LIN52: variants seen among roughly 807,000 people sequenced by gnomAD.
LIN52 encodes the protein lin-52 DREAM MuvB core complex component.
LIN52 carries 4 observed loss-of-function variants against 18.5 expected under a neutral mutation model. The observed-to-expected ratio is 0.22, with a 90% CI of 0.11 to 0.49. LIN52 has a LOEUF of 0.49. Ranked by LOEUF, LIN52 falls within the 20% of genes least tolerant of loss-of-function variation. The pLI, the probability that LIN52 is intolerant of heterozygous loss-of-function variation, is 0.97. For synonymous variants in LIN52, 34 were observed against 45.5 expected, an observed-to-expected ratio of 0.75 and a Z score of 1.02; for missense variants, 102 against 139.5, an observed-to-expected ratio of 0.73 and a Z score of 1.35.
At chr14:74,137,918 C>T (rs895746242) in intron 5 of LIN52, among the ~76,000 whole-genome samples, 6 of 152,276 alleles carry the variant, frequency 3.9e-5, no homozygotes, top group Non-Finnish European at 8.8e-5. Flanking sequence ...TACAATAAGC[C>T]TGCTTTATCA....
chr14:74,191,689 A>G (rs2139595371), intron 5 of LIN52, among the ~76,000 whole-genome samples: 1 of 147,414 alleles, frequency 6.8e-6, no homozygotes, highest in South Asian at 2.1e-4. Flanking sequence ...GCCGGAGTGC[A>G]GTGGTGCAAT....
chr14:74,190,865 G>A (rs2078871606), intron 5 of LIN52, among the ~76,000 whole-genome samples: 1 of 152,208 alleles, frequency 6.6e-6, no homozygotes. Context: ...CCTGCTGAGG[G>A]CCACCAAGTG....
chr14:74,157,474 T>A (rs947798798), intron 5 of LIN52, among the ~76,000 whole-genome samples: 5 of 151,272 alleles, frequency 3.3e-5, no homozygotes, highest in African/African-American at 9.7e-5. Flanking sequence ...TTAATTAATT[T>A]ATTTATTTTA....
At chr14:74,158,991 C>T (rs8004420) in intron 5 of LIN52, among the ~76,000 whole-genome samples, 26,275 of 151,962 alleles carry the variant, frequency 0.17, 2,776 homozygotes, top group East Asian at 0.58. Context: ...TCTCTGCTTC[C>T]AACTGTATTG....
intron 5 of LIN52, among the ~76,000 whole-genome samples, chr14:74,148,359 C>T (rs2061162309): frequency 6.6e-6 from 1 of 151,906 alleles, no homozygotes; most frequent in African/African-American, 2.4e-5. Flanking sequence ...TGTGCTAGAC[C>T]CTGGGTGTCA....
chr14:74,195,490 G>A (rs2078906345), intron 5 of LIN52, among the ~76,000 whole-genome samples: 1 of 152,132 alleles, frequency 6.6e-6, no homozygotes, highest in Admixed American at 6.6e-5. Flanking sequence ...AGCTTAAAAA[G>A]CTAAGAGTAA....
At chr14:74,089,459 C>G (rs189450259) in intron 1 of LIN52, among the ~76,000 whole-genome samples, 2 of 151,446 alleles carry the variant, frequency 1.3e-5, no homozygotes, top group Non-Finnish European at 2.9e-5. Context: ...GCTGCCACCT[C>G]TGGGCTCAAG....
intron 5 of LIN52, chr14:74,192,657 C>T: frequency 4.0e-6 from 1 of 252,140 alleles, no homozygotes. Flanking sequence ...GATTAAGAGG[C>T]ATACACCACT....
intron 5 of LIN52, among the ~76,000 whole-genome samples, chr14:74,129,597 A>T (rs1245287267): frequency 2.6e-5 from 4 of 152,182 alleles, no homozygotes; most frequent in Non-Finnish European, 5.9e-5. Context: ...TCACACCTGT[A>T]ATCCCAACAC....
intron 5 of LIN52, among the ~76,000 whole-genome samples, chr14:74,193,101 G>A (rs577983196): frequency 1.1e-4 from 17 of 152,130 alleles, no homozygotes; most frequent in Admixed American, 5.2e-4. Flanking sequence ...TGATTCTGTG[G>A]CAATGCCCCC....
intron 5 of LIN52, among the ~76,000 whole-genome samples, chr14:74,161,695 C>CTG (rs1479386604): frequency 2.0e-5 from 3 of 152,200 alleles, no homozygotes; most frequent in Non-Finnish European, 4.4e-5. Flanking sequence ...CGGGAACACT[C>CTG]TGCCGGTGCA....
intron 5 of LIN52, among the ~76,000 whole-genome samples, chr14:74,119,116 A>G (rs1037071427): frequency 7.4e-5 from 11 of 149,318 alleles, no homozygotes; most frequent in Admixed American, 6.6e-5. Context: ...AAATACTGTT[A>G]GTATTTTTGA....
chr14:74,100,398 C>T (rs934880663), intron 4 of LIN52, among the ~76,000 whole-genome samples: 22 of 152,162 alleles, frequency 1.4e-4, no homozygotes, highest in African/African-American at 2.4e-4. Context: ...GCCTTGACCT[C>T]CTGGTGATCC....
At chr14:74,121,124 A>G (rs2060997436) in intron 5 of LIN52, among the ~76,000 whole-genome samples, 1 of 152,224 alleles carries the variant, frequency 6.6e-6, no homozygotes, top group African/African-American at 2.4e-5. Flanking sequence ...TAAACTATAC[A>G]CAGTAGATTT....
rs969563010 is a variant in LIN52 at position 74,091,120 on chromosome 14, C to G, written c.20-112C>G. On this transcript the variant is annotated intron_variant, in intron 1 of 5. Transcript: ENST00000555028. ...CAGTGGCATCAATAGTTACAGAACT[C>G]ATATCTCTAGACTTCCAGGTGAGTG... is the stretch of plus-strand genomic sequence containing the variant. 1.8e-5 allele frequency: 12 copies of G among 661,800 alleles called. No individual in the cohort carries two copies. In the African/African-American group the frequency reaches 2.1e-4, roughly 12 times the overall value. 41.0% of individuals were successfully genotyped at this position (661,800 alleles called of 1,614,324 possible).
Position 74,130,277 on chromosome 14 carries a change from G to GTTTTTTTTTTTTTGTTTTTTTTTTT in LIN52, c.283+29039_283+29040insTTTTTTTTTTTTTGTTTTTTTTTTT, listed in dbSNP as rs371965343. 8.6e-5 allele frequency among the ~76,000 whole-genome samples: 4 copies of GTTTTTTTTTTTTTGTTTTTTTTTTT among 46,426 alleles called. 1 individual carries two copies. Among genetic ancestry groups the GTTTTTTTTTTTTTGTTTTTTTTTTT allele is most frequent in the Non-Finnish European group, 1.4e-4 (4 of 28,838 alleles). The allele number at this position is 46,426 out of a possible 152,430, so 30.5% of individuals were successfully genotyped here. On this transcript the variant is annotated intron_variant, in intron 5 of 5. Transcript: ENST00000555028. Reference sequence around the variant, plus strand: ...GGAATTTATTAGATAGGCATTTTTTGGTTTTTTTTTTTTTTTTTTGAGACA... The same window carrying GTTTTTTTTTTTTTGTTTTTTTTTTT: ...GGAATTTATTAGATAGGCATTTTTTGTTTTTTTTTTTTTGTTTTTTTTTTTGTTTTTTTTTTTTTTTTTTGAGACA...
At chr14:74,156,234 T>C (rs2061198548) in intron 5 of LIN52, among the ~76,000 whole-genome samples, 1 of 152,238 alleles carries the variant, frequency 6.6e-6, no homozygotes, top group African/African-American at 2.4e-5. Context: ...ATACTCCTTT[T>C]TTAGCAATAG....
chr14:74,096,737 C>A (rs1023261452), intron 3 of LIN52, among the ~76,000 whole-genome samples: 1 of 151,772 alleles, frequency 6.6e-6, no homozygotes, highest in Non-Finnish European at 1.5e-5. Context: ...AAATGAGCAC[C>A]AAGAAAAAAA....
chr14:74,130,588 ATTTTTTTTT>A (rs34746271), intron 5 of LIN52, among the ~76,000 whole-genome samples: 2 of 72,990 alleles, frequency 2.7e-5, no homozygotes, highest in East Asian at 4.0e-4. Flanking sequence ...TAAATTGGCC[ATTTTTTTTT>A]TTTTTTTTTT....
Sources: allele counts gnomAD v4.1 joint callset (sites outside exome capture counted in the v4.1 genomes callset), GRCh38; gene constraint gnomAD v4.1.1; transcripts MANE v1.5; gene names NCBI Gene and HGNC (gene_info 2026-07-23, HGNC 2026-07-21).